The following VWA8 variants were observed in gnomAD, a reference collection of about 807,000 sequenced individuals.
VWA8 encodes von Willebrand factor A domain containing 8.
In VWA8, 221 loss-of-function variants were observed where a neutral mutation model predicts 241.5. That is an observed-to-expected ratio of 0.91 (90% CI 0.82 to 1.02). The LOEUF is 1.02. Among genes scored for constraint, VWA8 ranks in the 50% least tolerant of loss-of-function variants. VWA8 has a pLI of 0.00. For synonymous variants in VWA8, 852 were observed against 827.1 expected (o/e 1.03, Z -0.52); for missense variants, 2,322 against 2,328.7 (o/e 1.00, Z 0.06).
At chr13:41,866,139 G>A in intron 10 of VWA8, 103 bp from the exon 11 acceptor site, 2 of 1,447,428 alleles carry the variant, frequency 1.4e-6, no homozygotes, top group South Asian at 2.6e-5. Flanking sequence ...CTTGAGGTTA[G>A]TAGTTCGAGA....
intron 36 of VWA8, among the ~76,000 whole-genome samples, chr13:41,674,019 G>A (rs1039436369): frequency 6.6e-6 from 1 of 152,158 alleles, no homozygotes; most frequent in African/African-American, 2.4e-5. Context: ...ATATTTTAAT[G>A]AGCATATAAT....
chr13:41,691,286 C>G, intron 32 of VWA8, 34 bp downstream of exon 32: 1 of 1,598,902 alleles, frequency 6.3e-7, no homozygotes, highest in Non-Finnish European at 8.5e-7. Context: ...TGAGCTACAA[C>G]ATACTCCATG....
intron 21 of VWA8, among the ~76,000 whole-genome samples, chr13:41,739,227 A>G (rs2045548152): frequency 2.0e-5 from 3 of 152,174 alleles, no homozygotes; most frequent in South Asian, 4.1e-4. Context: ...ACAGTACTCA[A>G]TTTTGCATGA....
chr13:41,804,245 G>A (rs1190056230), intron 17 of VWA8, among the ~76,000 whole-genome samples: 1 of 152,036 alleles, frequency 6.6e-6, no homozygotes, highest in Non-Finnish European at 1.5e-5. Context: ...AGATATCTGA[G>A]GTACCTAAAA....
At chr13:41,572,604 T>C (rs2044315282) in intron 43 of VWA8, among the ~76,000 whole-genome samples, 1 of 151,750 alleles carries the variant, frequency 6.6e-6, no homozygotes, top group Admixed American at 6.6e-5. Context: ...AGCATGCTCC[T>C]TAAGAGTCAT....
At chr13:41,947,542 TA>T (rs1291414548) in intron 2 of VWA8, among the ~76,000 whole-genome samples, 2 of 152,062 alleles carry the variant, frequency 1.3e-5, no homozygotes, top group Non-Finnish European at 2.9e-5. Context: ...ATGGCTGTAA[TA>T]AAAAAGACAA....
intron 28 of VWA8, among the ~76,000 whole-genome samples, chr13:41,700,454 A>G (rs1454811085): frequency 6.6e-6 from 1 of 152,190 alleles, no homozygotes; most frequent in African/African-American, 2.4e-5. Context: ...ATAGAACCAC[A>G]GAATTTATAA....
At chr13:41,572,186 CCCCCG>C (rs2044311756) in intron 43 of VWA8, among the ~76,000 whole-genome samples, 3 of 150,122 alleles carry the variant, frequency 2.0e-5, no homozygotes, top group African/African-American at 7.4e-5. Context: ...GGGGGGTCAG[CCCCCG>C]CCCCGCCAGC....
At chr13:41,787,856 A>G (rs1869277050) in intron 17 of VWA8, among the ~76,000 whole-genome samples, 1 of 152,174 alleles carries the variant, frequency 6.6e-6, no homozygotes, top group Non-Finnish European at 1.5e-5. Flanking sequence ...TACAATTAGT[A>G]TACTGGCTTA....
At chr13:41,770,097 T>C (rs1000371153) in intron 20 of VWA8, among the ~76,000 whole-genome samples, 2 of 152,108 alleles carry the variant, frequency 1.3e-5, no homozygotes, top group African/African-American at 4.8e-5. Context: ...AGGCACCATA[T>C]GAGGCAAACA....
rs2044425867 is a variant in VWA8 at position 41,587,454 on chromosome 13, C to T, written c.5271+58G>A. ...ATTCACTCTGGATGGAGTTTGAATC[C>T]ACCTATCCATCATCATGGTCAATGA... On this transcript the variant is annotated intron_variant, in intron 42 of 44. Coordinates refer to ENST00000379310, the MANE Select transcript of VWA8 (RefSeq NM_015058.2). The T allele has an allele frequency of 3.1e-6, 5 of 1,600,100 alleles. No individual in the cohort carries two copies. The Admixed American group carries it at 5.0e-5, about 16-fold the overall frequency.
At chr13:41,819,454 A>G in intron 14 of VWA8, 68 bp from the exon 15 acceptor site, 2 of 1,497,266 alleles carry the variant, frequency 1.3e-6, no homozygotes, top group Non-Finnish European at 9.0e-7. Flanking sequence ...CATGGTAACT[A>G]AAGTCTAGGC....
intron 2 of VWA8, among the ~76,000 whole-genome samples, chr13:41,921,822 A>G (rs986661429): frequency 5.9e-5 from 9 of 152,230 alleles, no homozygotes; most frequent in African/African-American, 1.7e-4. Flanking sequence ...ATGCTCATGG[A>G]TAGGAAGAAT....
At chr13:41,645,703 C>T (rs778140718) in intron 37 of VWA8, among the ~76,000 whole-genome samples, 20 of 152,128 alleles carry the variant, frequency 1.3e-4, no homozygotes, top group African/African-American at 9.7e-5. Context: ...CTTAAAAAAA[C>T]GAGAATAAAT....
chr13:41,910,770 C>T (rs1007275453), intron 3 of VWA8, among the ~76,000 whole-genome samples: 1 of 152,152 alleles, frequency 6.6e-6, no homozygotes, highest in Admixed American at 6.5e-5. Flanking sequence ...TGAGCTAGTG[C>T]GAGTTAGGCT....
intron 37 of VWA8, among the ~76,000 whole-genome samples, chr13:41,644,197 C>T (rs1216260262): frequency 6.6e-6 from 1 of 151,848 alleles, no homozygotes; most frequent in African/African-American, 2.4e-5. Context: ...CTTGGAAGAA[C>T]CCTTGGCTCT....
At chr13:41,588,837 G>A (rs2044436667) in intron 41 of VWA8, among the ~76,000 whole-genome samples, 1 of 152,096 alleles carries the variant, frequency 6.6e-6, no homozygotes. Flanking sequence ...AAACACGGTG[G>A]GTATTGAGAG....
chr13:41,638,864 TGAGA>T (rs746539563), intron 37 of VWA8, among the ~76,000 whole-genome samples: 1 of 151,700 alleles, frequency 6.6e-6, no homozygotes, highest in Non-Finnish European at 1.5e-5. Context: ...AATCCATAAG[TGAGA>T]GAGAGAGAAT....
intron 43 of VWA8, 41 bp from the exon 44 acceptor site, chr13:41,570,747 A>C: frequency 6.4e-7 from 1 of 1,568,364 alleles, no homozygotes; most frequent in Non-Finnish European, 8.7e-7. Context: ...TGGCTGAGAA[A>C]CTTCTTTTTT....
Sources: allele counts gnomAD v4.1 joint callset (sites outside exome capture counted in the v4.1 genomes callset), GRCh38; gene constraint gnomAD v4.1.1; transcripts MANE v1.5; gene names NCBI Gene and HGNC (gene_info 2026-07-23, HGNC 2026-07-21).